COG5: variants seen among roughly 807,000 people sequenced by gnomAD.
COG5 encodes the protein component of oligomeric golgi complex 5, also known as conserved oligomeric Golgi complex subunit 5.
A neutral mutation model predicts 110.4 loss-of-function variants in COG5; 86 were observed. That is an observed-to-expected ratio of 0.78 (90% CI 0.65 to 0.93). COG5 has a LOEUF of 0.93. Among genes scored for constraint, COG5 ranks in the 40% least tolerant of loss-of-function variants. COG5 has a pLI of 0.00. For missense variants in COG5, 1,077 were observed against 987.0 expected, an observed-to-expected ratio of 1.09 and a Z score of -1.22; for synonymous variants, 360 against 334.6, an observed-to-expected ratio of 1.08 and a Z score of -0.83.
chr7:107,310,232 G>C (rs1024687766), intron 11 of COG5, among the ~76,000 whole-genome samples: 1 of 152,144 alleles, frequency 6.6e-6, no homozygotes, highest in Non-Finnish European at 1.5e-5. Flanking sequence ...CACGAGCAAA[G>C]AAAAAGCTCG....
intron 18 of COG5, among the ~76,000 whole-genome samples, chr7:107,231,032 C>G (rs1800741816): frequency 6.6e-6 from 1 of 152,090 alleles, no homozygotes; most frequent in South Asian, 2.1e-4. Flanking sequence ...CATTACAAGT[C>G]TTTTTACATT....
At chr7:107,348,760 T>C (rs951098831) in intron 10 of COG5, among the ~76,000 whole-genome samples, 4 of 152,202 alleles carry the variant, frequency 2.6e-5, no homozygotes, top group East Asian at 1.9e-4. Flanking sequence ...TGAAAGTAAG[T>C]TGCACACATC....
intron 10 of COG5, among the ~76,000 whole-genome samples, chr7:107,356,627 C>T (rs575803073): frequency 2.6e-5 from 4 of 151,916 alleles, no homozygotes; most frequent in Non-Finnish European, 5.9e-5. Context: ...AATTTCAGTA[C>T]ATTTTTTTTA....
intron 18 of COG5, among the ~76,000 whole-genome samples, chr7:107,231,764 G>C (rs768096535): frequency 3.9e-5 from 6 of 152,116 alleles, no homozygotes; most frequent in Non-Finnish European, 8.8e-5. Context: ...TTAGTGCTAG[G>C]TACCAAGCTA....
intron 11 of COG5, among the ~76,000 whole-genome samples, chr7:107,318,881 C>G (rs995980276): frequency 9.9e-5 from 15 of 152,098 alleles, no homozygotes; most frequent in African/African-American, 3.6e-4. Flanking sequence ...AACATTTAGT[C>G]CATAACAAAA....
chr7:107,341,854 A>G (rs1375226433), intron 10 of COG5, among the ~76,000 whole-genome samples: 1 of 152,202 alleles, frequency 6.6e-6, no homozygotes, highest in Admixed American at 6.5e-5. Context: ...CTGGATCCCT[A>G]CCTTTTATTA....
intron 16 of COG5, among the ~76,000 whole-genome samples, chr7:107,253,842 A>G (rs981217837): frequency 6.6e-6 from 1 of 152,108 alleles, no homozygotes; most frequent in African/African-American, 2.4e-5. Context: ...CTTGCCCCAG[A>G]TGGCTGCTTG....
At chr7:107,203,680 A>C (rs777292941) in intron 21 of COG5, 50 bp from the exon 22 acceptor site, 1 of 1,158,832 alleles carries the variant, frequency 8.6e-7, no homozygotes, top group East Asian at 2.3e-5. Flanking sequence ...AATCACATAA[A>C]ACAGTTAAGG....
At chr7:107,249,616 T>C (rs1440724123) in intron 16 of COG5, among the ~76,000 whole-genome samples, 1 of 151,912 alleles carries the variant, frequency 6.6e-6, no homozygotes, top group Non-Finnish European at 1.5e-5. Context: ...AGGTAAAATA[T>C]AGGACCCTTA....
chr7:107,430,513 G>C (rs1793951797), intron 6 of COG5, among the ~76,000 whole-genome samples: 1 of 152,168 alleles, frequency 6.6e-6, no homozygotes, highest in Non-Finnish European at 1.5e-5. Flanking sequence ...TTTAAAATCA[G>C]TATGTGTAAG....
chr7:107,351,954 T>C (rs1292381981), intron 10 of COG5, among the ~76,000 whole-genome samples: 7 of 147,050 alleles, frequency 4.8e-5, no homozygotes, highest in Non-Finnish European at 1.1e-4. Context: ...AGCCATCCCA[T>C]TACTGGGTAT....
At chr7:107,337,348 T>A (rs1810790282) in intron 10 of COG5, among the ~76,000 whole-genome samples, 1 of 152,208 alleles carries the variant, frequency 6.6e-6, no homozygotes, top group South Asian at 2.1e-4. Flanking sequence ...TTATATTTAT[T>A]GTACCACTAT....
chr7:107,218,465 T>C (rs1438478035), intron 19 of COG5, among the ~76,000 whole-genome samples: 1 of 151,980 alleles, frequency 6.6e-6, no homozygotes, highest in African/African-American at 2.4e-5. Flanking sequence ...CAGAGCTATA[T>C]AGTAATTAGA....
chr7:107,210,482 G>A (rs1263008082), intron 21 of COG5, 44 bp downstream of exon 21: 2 of 1,563,688 alleles, frequency 1.3e-6, no homozygotes, highest in African/African-American at 2.7e-5. Context: ...CACCCTCCTT[G>A]GGCTTCCAGA....
At chr7:107,294,220 G>A (rs1389169100) in intron 12 of COG5, among the ~76,000 whole-genome samples, 1 of 151,958 alleles carries the variant, frequency 6.6e-6, no homozygotes, top group African/African-American at 2.4e-5. Flanking sequence ...ACAATGCTTT[G>A]AAAAAATTTT....
chr7:107,325,604 T>C (rs987843198), intron 10 of COG5, among the ~76,000 whole-genome samples: 2 of 152,126 alleles, frequency 1.3e-5, no homozygotes, highest in African/African-American at 4.8e-5. Context: ...TGAGCCAAGA[T>C]TGCGCCACTG....
At chr7:107,246,503 T>TA (rs1027493054) in intron 17 of COG5, among the ~76,000 whole-genome samples, 5 of 150,472 alleles carry the variant, frequency 3.3e-5, no homozygotes, top group Admixed American at 2.0e-4. Context: ...ATAAGGAACT[T>TA]AAACAAATTC....
At chr7:107,391,898 T>C (rs549471870) in intron 7 of COG5, among the ~76,000 whole-genome samples, 29 of 152,268 alleles carry the variant, frequency 1.9e-4, no homozygotes, top group Non-Finnish European at 2.1e-4. Flanking sequence ...GAGACCACCC[T>C]GGCCAACATG....
intron 17 of COG5, among the ~76,000 whole-genome samples, chr7:107,247,212 C>T (rs930334967): frequency 2.0e-5 from 3 of 151,902 alleles, no homozygotes; most frequent in Non-Finnish European, 4.4e-5. Context: ...ACACTGGGGT[C>T]GACTTGACAG....
Sources: allele counts gnomAD v4.1 joint callset (sites outside exome capture counted in the v4.1 genomes callset), GRCh38; gene constraint gnomAD v4.1.1; transcripts MANE v1.5; gene names NCBI Gene and HGNC (gene_info 2026-07-23, HGNC 2026-07-21).